The following DLGAP1 variants were observed in gnomAD, a reference collection of about 807,000 sequenced individuals.
The protein encoded by DLGAP1 is disks large-associated protein 1.
A neutral mutation model predicts 90.8 loss-of-function variants in DLGAP1; 11 were observed. That is an observed-to-expected ratio of 0.12 (90% CI 0.08 to 0.20). The LOEUF is 0.20. DLGAP1 is among the 10% of genes least tolerant of loss of function. DLGAP1 has a pLI of 1.00. For synonymous variants in DLGAP1, 558 were observed against 540.7 expected, an observed-to-expected ratio of 1.03 and a Z score of -0.44; for missense variants, 1,050 against 1,333.8, an observed-to-expected ratio of 0.79 and a Z score of 3.31.
chr18:3,956,549 C>T (rs1184423242), intron 3 of DLGAP1, among the ~76,000 whole-genome samples: 5 of 152,022 alleles, frequency 3.3e-5, no homozygotes, highest in South Asian at 2.1e-4. Flanking sequence ...GGGTTTTCGC[C>T]GTGTTAGCCA....
rs542005793 is a variant in DLGAP1 at position 3,569,280 on chromosome 18, G to A, written c.1966-1699C>T. Among the ~76,000 whole-genome samples, 6 of 152,016 alleles carry A rather than the reference G, an allele frequency of 3.9e-5. No homozygotes were observed. In the South Asian group the frequency reaches 1.0e-3, roughly 27 times the overall value. On this transcript the variant is annotated intron_variant, in intron 8 of 12. Transcript: ENST00000315677. ...CTCCCAAATTGCTGAGATTACAGGC[G>A]TGAGCCACCGCACCTGGACAAAAAT...
At chr18:4,099,392 C>A (rs184155879) in intron 2 of DLGAP1, among the ~76,000 whole-genome samples, 1 of 151,888 alleles carries the variant, frequency 6.6e-6, no homozygotes, top group African/African-American at 2.4e-5. Flanking sequence ...GGAGATAGTG[C>A]GGGTTTGGTT....
At chr18:3,867,136 A>G (rs924899472) in intron 4 of DLGAP1, among the ~76,000 whole-genome samples, 7 of 152,278 alleles carry the variant, frequency 4.6e-5, no homozygotes, top group Middle Eastern at 3.4e-3. Flanking sequence ...ACAGGTGTGA[A>G]CCACTGCGCC....
intron 1 of DLGAP1, among the ~76,000 whole-genome samples, chr18:4,415,227 C>T (rs3850795): frequency 0.095 from 14,489 of 152,032 alleles, 2,212 homozygotes; most frequent in African/African-American, 0.33. Context: ...ATGGATAACA[C>T]ACAAATTGTA....
chr18:4,146,967 G>C (rs2076595209), intron 2 of DLGAP1, among the ~76,000 whole-genome samples: 1 of 152,078 alleles, frequency 6.6e-6, no homozygotes, highest in African/African-American at 2.4e-5. Context: ...CAGACAGAAG[G>C]AACAGTTATT....
At chr18:4,452,901 A>G (rs1182505925) in intron 1 of DLGAP1, among the ~76,000 whole-genome samples, 1 of 152,228 alleles carries the variant, frequency 6.6e-6, no homozygotes, top group Non-Finnish European at 1.5e-5. Flanking sequence ...AATGTTAACC[A>G]GTTCCTTTTG....
chr18:4,325,009 C>T lies in DLGAP1; in HGVS notation c.-267+129997G>A, dbSNP rs181224182. On this transcript the variant is annotated intron_variant, in intron 1 of 12. Coordinates refer to ENST00000315677, the MANE Select transcript of DLGAP1 (RefSeq NM_004746.4). ...CTATTCAACATGGTATTGGAAGTCC[C>T]GACAAGCACAGTCAGGCAAGAGAAA... is the stretch of plus-strand genomic sequence containing the variant. 2.8e-3 allele frequency among the ~76,000 whole-genome samples: 430 copies of T among 152,082 alleles called. 6 individuals carry two copies. Among genetic ancestry groups the T allele is most frequent in the Non-Finnish European group, 2.5e-3 (173 of 67,950 alleles).
At chr18:3,830,649 T>A (rs1387493602) in intron 4 of DLGAP1, among the ~76,000 whole-genome samples, 1 of 152,220 alleles carries the variant, frequency 6.6e-6, no homozygotes, top group Non-Finnish European at 1.5e-5. Flanking sequence ...AATTCCATAA[T>A]GCCCGGCCTT....
At chr18:3,758,275 A>G (rs1054320525) in intron 5 of DLGAP1, among the ~76,000 whole-genome samples, 2 of 152,204 alleles carry the variant, frequency 1.3e-5, no homozygotes, top group African/African-American at 4.8e-5. Flanking sequence ...AAATCTGGAC[A>G]CTGCACAATA....
chr18:3,983,863 C>CTTAG (rs1411592074), intron 3 of DLGAP1: 2 of 152,156 alleles, frequency 1.3e-5, no homozygotes, highest in Non-Finnish European at 2.9e-5. Flanking sequence ...TAGGCAAGTT[C>CTTAG]TTAGACAACA....
At chr18:3,588,416 G>A (rs570950772) in intron 7 of DLGAP1, among the ~76,000 whole-genome samples, 3 of 151,194 alleles carry the variant, frequency 2.0e-5, no homozygotes, top group Admixed American at 6.6e-5. Flanking sequence ...CCGAGATTGC[G>A]CCATTGCACT....
chr18:4,053,397 A>G (rs780211977), intron 2 of DLGAP1, among the ~76,000 whole-genome samples: 3 of 152,198 alleles, frequency 2.0e-5, no homozygotes, highest in Non-Finnish European at 4.4e-5. Flanking sequence ...TCACAAGAAC[A>G]GATTGGAAGG....
chr18:3,569,147 G>C (rs992033996), intron 8 of DLGAP1, among the ~76,000 whole-genome samples: 1 of 151,434 alleles, frequency 6.6e-6, no homozygotes, highest in East Asian at 2.0e-4. Flanking sequence ...AATTACAGAC[G>C]CGTGCCACCA....
intron 3 of DLGAP1, among the ~76,000 whole-genome samples, chr18:3,918,892 A>ACATCT (rs1379546086): frequency 6.6e-6 from 1 of 152,216 alleles, no homozygotes; most frequent in Non-Finnish European, 1.5e-5. Context: ...AGATGTTGCA[A>ACATCT]GCACTAGAGA....
intron 7 of DLGAP1, among the ~76,000 whole-genome samples, chr18:3,629,674 A>AAAAT (rs747295829): frequency 4.6e-5 from 7 of 152,068 alleles, no homozygotes; most frequent in East Asian, 3.9e-4. Context: ...TCTGTCTCAA[A>AAAAT]AAATAAATAA....
chr18:3,972,157 TTATAAACTA>T (rs1390235918), intron 3 of DLGAP1, among the ~76,000 whole-genome samples: 1 of 152,122 alleles, frequency 6.6e-6, no homozygotes, highest in Non-Finnish European at 1.5e-5. Context: ...TTTTATGAGT[TTATAAACTA>T]TATAATACCT....
intron 3 of DLGAP1, among the ~76,000 whole-genome samples, chr18:3,916,581 C>T (rs972546240): frequency 6.6e-6 from 1 of 152,178 alleles, no homozygotes; most frequent in African/African-American, 2.4e-5. Flanking sequence ...GCTATAATAT[C>T]ATGATCATCA....
chr18:3,961,071 C>G (rs892054392), intron 3 of DLGAP1, among the ~76,000 whole-genome samples: 2 of 152,166 alleles, frequency 1.3e-5, no homozygotes, highest in Admixed American at 6.5e-5. Flanking sequence ...TCACCCAGAA[C>G]TACGAGTCGC....
intron 3 of DLGAP1, among the ~76,000 whole-genome samples, chr18:4,003,740 T>C (rs972675488): frequency 4.6e-5 from 7 of 152,130 alleles, no homozygotes; most frequent in Non-Finnish European, 1.0e-4. Context: ...AGCAAGTGGA[T>C]GCTGGAAATG....
Sources: allele counts gnomAD v4.1 joint callset (sites outside exome capture counted in the v4.1 genomes callset), GRCh38; gene constraint gnomAD v4.1.1; transcripts MANE v1.5; gene names NCBI Gene and HGNC (gene_info 2026-07-23, HGNC 2026-07-21).